The following USH2A variants were observed in gnomAD, a reference collection of about 807,000 sequenced individuals.
The protein encoded by USH2A is usherin, also known as Usher syndrome 2A (autosomal recessive, mild).
In USH2A, 443 loss-of-function variants were observed where a neutral mutation model predicts 538.9. The ratio of observed to expected loss-of-function variants is 0.82; its 90% CI spans 0.76 to 0.89. The LOEUF (loss-of-function observed/expected upper bound fraction) is 0.89, where lower values mean the gene tolerates loss of function less well. Ranked by LOEUF, USH2A falls within the 40% of genes least tolerant of loss-of-function variation. USH2A has a pLI of 0.00. For missense variants in USH2A, 6,633 were observed against 6,324.8 expected (o/e 1.05, Z -1.65); for synonymous variants, 2,413 against 2,273.5 (o/e 1.06, Z -1.75).
intron 3 of USH2A, among the ~76,000 whole-genome samples, chr1:216,408,784 C>T (rs1391523016): frequency 1.3e-5 from 2 of 152,218 alleles, no homozygotes; most frequent in Middle Eastern, 3.4e-3. Flanking sequence ...TGTGATACAG[C>T]AACAGCTGAT....
intron 13 of USH2A, among the ~76,000 whole-genome samples, chr1:216,238,091 A>G (rs970966821): frequency 2.0e-5 from 3 of 152,182 alleles, no homozygotes; most frequent in Non-Finnish European, 4.4e-5. Context: ...TGAGCTCATT[A>G]CTTAATAAAT....
At chr1:216,137,430 A>T (rs2033508349) in intron 21 of USH2A, among the ~76,000 whole-genome samples, 1 of 152,080 alleles carries the variant, frequency 6.6e-6, no homozygotes, top group Non-Finnish European at 1.5e-5. Flanking sequence ...CCCGTGATAA[A>T]CCCATCAGAT....
intron 35 of USH2A, among the ~76,000 whole-genome samples, chr1:215,976,358 G>A (rs1667620022): frequency 6.6e-6 from 1 of 152,152 alleles, no homozygotes; most frequent in African/African-American, 2.4e-5. Flanking sequence ...TTGAGTAAGA[G>A]TGGTGAGAGT....
intron 22 of USH2A, among the ~76,000 whole-genome samples, chr1:216,094,095 C>G (rs1333405777): frequency 6.6e-6 from 1 of 152,128 alleles, no homozygotes; most frequent in Non-Finnish European, 1.5e-5. Context: ...TAAATATCTC[C>G]AGATACTAAC....
chr1:216,138,526 T>C (rs2033531881), intron 21 of USH2A, among the ~76,000 whole-genome samples: 2 of 152,176 alleles, frequency 1.3e-5, no homozygotes, highest in South Asian at 4.1e-4. Flanking sequence ...CTTGCCACAG[T>C]GTTTTTTCTG....
At chr1:216,248,367 A>G (rs2036093524) in intron 12 of USH2A, among the ~76,000 whole-genome samples, 1 of 152,116 alleles carries the variant, frequency 6.6e-6, no homozygotes, top group South Asian at 2.1e-4. Context: ...TCCTTTAGAT[A>G]GTTTCCAAAT....
At position 215,645,002 on chromosome 1, in the gene USH2A, G is replaced by A. The variant is rs561157938; in HGVS notation, c.14791+2520C>T. ...GATGAAGTTCACTGCATGGAAGGCA[G>A]GTTTATTTCAGACGGAAGAAGGACC... On this transcript the variant is annotated intron_variant, in intron 67 of 71. Coordinates refer to ENST00000307340, the MANE Select transcript of USH2A (RefSeq NM_206933.4). Among the ~76,000 whole-genome samples, 3 of 152,334 alleles carry A rather than the reference G, an allele frequency of 2.0e-5. No individual in the cohort carries two copies. In the South Asian group the frequency reaches 6.2e-4, roughly 32 times the overall value.
chr1:216,158,882 A>T, intron 21 of USH2A, among the ~76,000 whole-genome samples: 1 of 152,132 alleles, frequency 6.6e-6, no homozygotes, highest in African/African-American at 2.4e-5. Flanking sequence ...TTAATTTCTC[A>T]CAGTAATTTT....
At chr1:215,908,149 C>T (rs889523357) in intron 38 of USH2A, among the ~76,000 whole-genome samples, 4 of 151,776 alleles carry the variant, frequency 2.6e-5, no homozygotes. Flanking sequence ...GGCTAAGCAA[C>T]GTCTCAATGA....
chr1:216,271,100 A>G (rs983757868), intron 11 of USH2A, among the ~76,000 whole-genome samples: 1 of 152,138 alleles, frequency 6.6e-6, no homozygotes, highest in East Asian at 1.9e-4. Context: ...CCTCTTACCT[A>G]CTTGGTACAC....
intron 41 of USH2A, 45 bp from the exon 42 acceptor site, chr1:215,879,143 T>G (rs772854132): frequency 3.9e-6 from 6 of 1,553,212 alleles, no homozygotes; most frequent in Non-Finnish European, 5.3e-6. Context: ...GATACAGGAA[T>G]AGAGCAATTG....
At chr1:215,652,594 C>CT (rs1223795055) in intron 64 of USH2A, among the ~76,000 whole-genome samples, 1 of 152,098 alleles carries the variant, frequency 6.6e-6, no homozygotes, top group Non-Finnish European at 1.5e-5. Context: ...TGAGGTCAGA[C>CT]TTACACTAGG....
chr1:215,816,957 G>A, intron 48 of USH2A, 40 bp downstream of exon 48: 1 of 1,601,238 alleles, frequency 6.2e-7, no homozygotes, highest in Non-Finnish European at 8.6e-7. Context: ...AGTCTTGAGT[G>A]AGAAAAACAT....
At chr1:215,914,109 T>C (rs1380591168) in intron 38 of USH2A, among the ~76,000 whole-genome samples, 4 of 141,728 alleles carry the variant, frequency 2.8e-5, no homozygotes, top group East Asian at 2.2e-4. Context: ...AGTCTCGCTC[T>C]GTCACCCAGG....
At chr1:216,294,699 A>G (rs2037070103) in intron 9 of USH2A, among the ~76,000 whole-genome samples, 2 of 151,838 alleles carry the variant, frequency 1.3e-5, no homozygotes, top group African/African-American at 2.4e-5. Flanking sequence ...CACACCAGCA[A>G]TATCTGAGAA....
At chr1:215,724,380 G>A (rs949103541) in intron 61 of USH2A, among the ~76,000 whole-genome samples, 2 of 134,112 alleles carry the variant, frequency 1.5e-5, no homozygotes, top group Non-Finnish European at 3.1e-5. Flanking sequence ...AATACCGCAC[G>A]TTCTCACTTA....
At chr1:216,032,908 A>G (rs1669160624) in intron 32 of USH2A, among the ~76,000 whole-genome samples, 1 of 152,158 alleles carries the variant, frequency 6.6e-6, no homozygotes, top group Non-Finnish European at 1.5e-5. Flanking sequence ...TGAGAGCCCA[A>G]ACTGCCCCAA....
intron 3 of USH2A, among the ~76,000 whole-genome samples, chr1:216,374,575 T>C (rs1429274820): frequency 6.6e-6 from 1 of 152,200 alleles, no homozygotes; most frequent in Non-Finnish European, 1.5e-5. Flanking sequence ...AGCAAACATT[T>C]TGCGAGCAGA....
chr1:215,769,866 G>A (rs1661231261), intron 55 of USH2A, among the ~76,000 whole-genome samples: 1 of 152,174 alleles, frequency 6.6e-6, no homozygotes, highest in African/African-American at 2.4e-5. Context: ...ATGAGAGTGG[G>A]AGACATGTCT....
Sources: allele counts gnomAD v4.1 joint callset (sites outside exome capture counted in the v4.1 genomes callset), GRCh38; gene constraint gnomAD v4.1.1; transcripts MANE v1.5; gene names NCBI Gene and HGNC (gene_info 2026-07-23, HGNC 2026-07-21).